Variants in DGKI observed in about 807,000 individuals in gnomAD.
DGKI encodes the protein DAG kinase iota.
Under a neutral mutation model 147.5 loss-of-function variants are expected in DGKI, and 55 were observed. The ratio of observed to expected loss-of-function variants is 0.37; its 90% confidence interval spans 0.30 to 0.47. The LOEUF (loss-of-function observed/expected upper bound fraction) is 0.47. Among genes scored for constraint, DGKI ranks in the 20% least tolerant of loss-of-function variants. The probability of loss-of-function intolerance (pLI) is 1.00; values close to 1 mark genes in which losing one functional copy is unlikely to be tolerated. For missense variants in DGKI, 1,007 were observed against 1,323.8 expected, an observed-to-expected ratio of 0.76 and a Z score of 3.71; for synonymous variants, 469 against 477.1, an observed-to-expected ratio of 0.98 and a Z score of 0.22.
chr7:137,506,472 C>T (rs1816371860), intron 21 of DGKI, among the ~76,000 whole-genome samples: 1 of 152,118 alleles, frequency 6.6e-6, no homozygotes, highest in Non-Finnish European at 1.5e-5. Flanking sequence ...AATGAAAAGA[C>T]ATAACACAAG....
chr7:137,698,207 T>C (rs1823861813), intron 1 of DGKI, among the ~76,000 whole-genome samples: 1 of 151,750 alleles, frequency 6.6e-6, no homozygotes, highest in South Asian at 2.1e-4. Flanking sequence ...TCCTGGAAAA[T>C]ACCTTGAAAT....
chr7:137,734,416 G>A (rs918475903), intron 1 of DGKI, among the ~76,000 whole-genome samples: 3 of 151,970 alleles, frequency 2.0e-5, no homozygotes, highest in Admixed American at 6.6e-5. Context: ...CAGGAATCTA[G>A]GAGTGGCTGG....
chr7:137,400,758 A>G (rs1811723754), intron 30 of DGKI, among the ~76,000 whole-genome samples: 1 of 152,214 alleles, frequency 6.6e-6, no homozygotes, highest in Non-Finnish European at 1.5e-5. Context: ...ATCTAAAAAA[A>G]AAATGCCCAT....
intron 1 of DGKI, among the ~76,000 whole-genome samples, chr7:137,784,365 A>G (rs1402258567): frequency 1.2e-4 from 18 of 152,208 alleles, no homozygotes; most frequent in Admixed American, 1.2e-3. Context: ...ACAGCAGCTA[A>G]AAAAGACAAA....
intron 30 of DGKI, among the ~76,000 whole-genome samples, chr7:137,401,130 AC>A (rs1185650805): frequency 1.3e-5 from 2 of 152,190 alleles, no homozygotes; most frequent in Non-Finnish European, 2.9e-5. Flanking sequence ...GTTTAACTGT[AC>A]CCTGTGACTT....
chr7:137,605,108 G>C (rs1026484135), intron 10 of DGKI, among the ~76,000 whole-genome samples: 21 of 152,006 alleles, frequency 1.4e-4, no homozygotes, highest in African/African-American at 5.1e-4. Flanking sequence ...AGGCATTCCA[G>C]ACCAGCCTGG....
At chr7:137,518,428 G>A (rs571252891) in intron 21 of DGKI, among the ~76,000 whole-genome samples, 14 of 152,064 alleles carry the variant, frequency 9.2e-5, no homozygotes, top group Admixed American at 3.3e-4. Context: ...TAACACTAAC[G>A]ATACTAGGAT....
chr7:137,563,353 CAT>C (rs1818480478), intron 19 of DGKI, among the ~76,000 whole-genome samples: 1 of 151,744 alleles, frequency 6.6e-6, no homozygotes, highest in Non-Finnish European at 1.5e-5. Context: ...ACAATACAAA[CAT>C]GTGCATTCTT....
At chr7:137,730,427 G>A (rs10257746) in intron 1 of DGKI, among the ~76,000 whole-genome samples, 33,407 of 151,852 alleles carry the variant, frequency 0.22, 6,801 homozygotes, top group African/African-American at 0.53. Context: ...TACAGTCAAA[G>A]TCCTCTCTTG....
chr7:137,422,083 G>A lies in DGKI; in HGVS notation c.2762-9876C>T, dbSNP rs115948933. ...AGAAATGTTTATGAGTCAACTCAGA[G>A]CTGTATATCAGCAATGATACTTGTT... is the stretch of plus-strand genomic sequence containing the variant. On this transcript the variant is annotated intron_variant, in intron 28 of 32. Transcript: ENST00000614521. 5.7e-3 allele frequency among the ~76,000 whole-genome samples: 863 copies of A among 152,288 alleles called. 9 individuals carry two copies. Among genetic ancestry groups the A allele is most frequent in the African/African-American group, 0.02 (820 of 41,550 alleles).
chr7:137,715,594 A>G (rs913025391), intron 1 of DGKI, among the ~76,000 whole-genome samples: 4 of 152,358 alleles, frequency 2.6e-5, no homozygotes, highest in Admixed American at 2.6e-4. Context: ...TTAAAGTCCC[A>G]GCTTCACTTA....
At chr7:137,404,426 T>C (rs1811866821) in intron 30 of DGKI, among the ~76,000 whole-genome samples, 1 of 152,252 alleles carries the variant, frequency 6.6e-6, no homozygotes, top group African/African-American at 2.4e-5. Context: ...TAAGAATCAA[T>C]TGCATTTAAG....
chr7:137,680,957 T>C (rs1030675339), intron 2 of DGKI, among the ~76,000 whole-genome samples: 1 of 152,144 alleles, frequency 6.6e-6, no homozygotes, highest in Admixed American at 6.5e-5. Context: ...AAAATTTGTA[T>C]TGTGACATGT....
intron 7 of DGKI, among the ~76,000 whole-genome samples, chr7:137,622,840 T>TG (rs1221465760): frequency 6.6e-6 from 1 of 151,820 alleles, no homozygotes; most frequent in Admixed American, 6.6e-5. Flanking sequence ...CTAAATAAAG[T>TG]GGGAAAAAAG....
At chr7:137,433,511 C>A (rs989611710) in intron 28 of DGKI, among the ~76,000 whole-genome samples, 3 of 152,138 alleles carry the variant, frequency 2.0e-5, no homozygotes, top group Non-Finnish European at 2.9e-5. Context: ...TAACAATTAG[C>A]CTCACATGAG....
chr7:137,690,999 C>T lies in DGKI; in HGVS notation c.402-997G>A, dbSNP rs150670668. 1.3e-3 allele frequency among the ~76,000 whole-genome samples: 192 copies of T among 152,298 alleles called. 2 individuals are homozygous for T. Among genetic ancestry groups the T allele is most frequent in the African/African-American group, 4.5e-3 (188 of 41,560 alleles). ...GCTGATTTGTGATTGAACTAAGTCA[C>T]TCCCTAGAAGGGAGAGGGGCTTTTC... On this transcript the variant is annotated intron_variant, in intron 1 of 32. Transcript: ENST00000614521.
intron 21 of DGKI, among the ~76,000 whole-genome samples, chr7:137,518,246 G>T (rs1816848411): frequency 6.6e-6 from 1 of 152,036 alleles, no homozygotes; most frequent in Non-Finnish European, 1.5e-5. Context: ...ACTGAATGGG[G>T]TTATAATTAT....
chr7:137,758,641 G>A (rs1795760236), intron 1 of DGKI, among the ~76,000 whole-genome samples: 1 of 151,984 alleles, frequency 6.6e-6, no homozygotes, highest in African/African-American at 2.4e-5. Context: ...AGCCAAGGTT[G>A]CACCACTGCA....
intron 8 of DGKI, 71 bp from the exon 9 acceptor site, chr7:137,609,680 TAGA>T: frequency 2.7e-6 from 3 of 1,106,420 alleles, no homozygotes; most frequent in Non-Finnish European, 4.1e-6. Flanking sequence ...CAGAACCAAG[TAGA>T]AGATGACGGC....
Sources: allele counts gnomAD v4.1 joint callset (sites outside exome capture counted in the v4.1 genomes callset), GRCh38; gene constraint gnomAD v4.1.1; transcripts MANE v1.5; gene names NCBI Gene and HGNC (gene_info 2026-07-23, HGNC 2026-07-21).